ATP6V0D2: variants seen among roughly 807,000 people sequenced by gnomAD.
ATP6V0D2 encodes V-type proton ATPase subunit d 2.
In ATP6V0D2, 40 loss-of-function variants were observed where a neutral mutation model predicts 40.0. The observed-to-expected ratio is 1.00, with a 90% CI of 0.78 to 1.30. ATP6V0D2 has a LOEUF of 1.30. ATP6V0D2 is among the 50% of genes most tolerant of loss of function. The probability of loss-of-function intolerance (pLI) is 0.00; values close to 1 mark genes in which losing one functional copy is unlikely to be tolerated. For synonymous variants in ATP6V0D2, 179 were observed against 156.3 expected, an observed-to-expected ratio of 1.15 and a Z score of -1.08; for missense variants, 470 against 423.1, an observed-to-expected ratio of 1.11 and a Z score of -0.97.
In ATP6V0D2 at chr8:86,150,227, T is replaced by G. The variant is rs532949298; in HGVS notation, c.755T>G (p.Leu252Trp). 3 of 1,613,070 alleles carry G rather than the reference T, an allele frequency of 1.9e-6. No homozygotes were observed. The African/African-American group carries it at 4.0e-5, about 22-fold the overall frequency. Residue 252 changes from leucine to tryptophan, a missense_variant, in exon 6 of 8, where the codon TTG becomes TGG. Physicochemically the swap from Leu to Trp is moderately conservative, Grantham distance 61. Transcript: ENST00000285393. ...PTFGKLYPEG[L>W]RLLAQAEDFD... ...TTCGGCAAACTCTATCCTGAGGGGT[T>G]GCGGCTGTTGGCTCAAGCAGAAGAC...
rs1047865790 is a variant in ATP6V0D2, at chr8:86,113,824, T to G, written c.246T>G (p.Phe82Leu). 2.5e-6 allele frequency: 4 copies of G among 1,613,986 alleles called. No homozygotes were observed. Among genetic ancestry groups the G allele is most frequent in the Non-Finnish European group, 2.5e-6 (3 of 1,179,934 alleles). ...TEMRKRLCGE[F>L]EYFRNHSLEP... ...TGAGGAAAAGACTATGTGGAGAATT[T>G]GAGTATTTCCGGAATCATTCCCTGG... The change falls in exon 2 of 8, where the codon TTT becomes TTG. Residue 82 changes from phenylalanine (F) to leucine (L), a missense_variant. Phe to Leu is a conservative substitution (Grantham distance 22, BLOSUM62 0). Transcript: ENST00000285393.
At position 86,150,128 on chromosome 8, in the gene ATP6V0D2, G is replaced by A. The variant is rs776545949; in HGVS notation, c.656G>A (p.Arg219His). 27 of 1,612,482 alleles carry A rather than the reference G, an allele frequency of 1.7e-5. No homozygotes were observed. Among genetic ancestry groups the A allele is most frequent in the South Asian group, 3.3e-5 (3 of 90,822 alleles). The part of the protein sequence containing the change: ...CPILEFEADR[R>H]AFIITLNSFG... ...CAAATTCAGTTTGAGGCCGACAGAC[G>A]TGCTTTTATCATCACTCTTAACTCC... The change falls in exon 6 of 8, where the codon CGT (arginine) becomes CAT (histidine). Residue 219 changes from arginine (R) to histidine (H), a missense_variant. Physicochemically the swap from Arg to His is conservative, Grantham distance 29. Transcript: ENST00000285393.
intron 2 of ATP6V0D2, among the ~76,000 whole-genome samples, chr8:86,128,141 G>T (rs1329276477): frequency 6.6e-6 from 1 of 152,186 alleles, no homozygotes; most frequent in Non-Finnish European, 1.5e-5. Context: ...GGCTGAGGCG[G>T]GCAGAGACCA....
At chr8:86,128,038 C>A (rs181498036) in intron 2 of ATP6V0D2, among the ~76,000 whole-genome samples, 110 of 151,860 alleles carry the variant, frequency 7.2e-4, no homozygotes, top group African/African-American at 2.4e-3. Context: ...GCTATGATTG[C>A]GCCACTTGGG....
intron 2 of ATP6V0D2, among the ~76,000 whole-genome samples, chr8:86,138,081 C>T (rs1818921619): frequency 6.6e-6 from 1 of 152,162 alleles, no homozygotes; most frequent in African/African-American, 2.4e-5. Context: ...TCTTTCGGGG[C>T]CCAACATGCT....
At chr8:86,149,424 C>A (rs1251732703) in intron 5 of ATP6V0D2, among the ~76,000 whole-genome samples, 1 of 152,064 alleles carries the variant, frequency 6.6e-6, no homozygotes, top group Non-Finnish European at 1.5e-5. Flanking sequence ...GAAGACAGGC[C>A]GTGAGTATGT....
In ATP6V0D2 at chr8:86,133,654, A is replaced by G. The variant is rs545040620; in HGVS notation, c.303-5803A>G. Among the ~76,000 whole-genome samples the G allele has an allele frequency of 1.3e-3, 198 of 151,804 alleles. 6 individuals are homozygous for G. The South Asian group carries it at 0.039, about 30-fold the overall frequency. On this transcript the variant is annotated intron_variant, in intron 2 of 7. Coordinates refer to ENST00000285393, the MANE Select transcript of ATP6V0D2 (RefSeq NM_152565.1). ...AAAATCTTCAGATAATAATGGCTCT[A>G]CTCTAACCAAGTGCCATGGGAAAAA...
At chr8:86,138,937 C>G (rs1033696756) in intron 2 of ATP6V0D2, among the ~76,000 whole-genome samples, 1 of 152,182 alleles carries the variant, frequency 6.6e-6, no homozygotes, top group Non-Finnish European at 1.5e-5. Flanking sequence ...TATGCTTTTT[C>G]ATGGCCAGGT....
At chr8:86,139,256 A>G (rs1818940751) in intron 2 of ATP6V0D2, among the ~76,000 whole-genome samples, 1 of 151,756 alleles carries the variant, frequency 6.6e-6, no homozygotes, top group African/African-American at 2.4e-5. Context: ...AATATTGAAT[A>G]TGCTTTTTCA....
At chr8:86,145,289 GAAA>G (rs1819044777) in intron 5 of ATP6V0D2, among the ~76,000 whole-genome samples, 1 of 81,908 alleles carries the variant, frequency 1.2e-5, no homozygotes, top group East Asian at 3.8e-4. Context: ...AAGAAAGAAA[GAAA>G]GAAAGAAAGA....
chr8:86,104,421 C>A (rs1366822150), intron 1 of ATP6V0D2, among the ~76,000 whole-genome samples: 1 of 151,978 alleles, frequency 6.6e-6, no homozygotes, highest in Non-Finnish European at 1.5e-5. Flanking sequence ...AGGAAGCACT[C>A]TAAAAGGAGA....
intron 5 of ATP6V0D2, among the ~76,000 whole-genome samples, chr8:86,145,320 A>G (rs191402568): frequency 2.6e-3 from 124 of 47,384 alleles, no homozygotes; most frequent in African/African-American, 0.014. Context: ...AAAAGAAAGA[A>G]GGAAAGAAGG....
intron 1 of ATP6V0D2, among the ~76,000 whole-genome samples, chr8:86,104,511 A>C (rs1225017559): frequency 6.6e-6 from 1 of 152,196 alleles, no homozygotes; most frequent in Non-Finnish European, 1.5e-5. Context: ...TCTTTAGTAA[A>C]AAGTGGGATA....
intron 1 of ATP6V0D2, among the ~76,000 whole-genome samples, chr8:86,101,462 G>GAAAAAAAAAAAAAAAAAAAAAAAAATAA (rs59915079): frequency 1.3e-5 from 1 of 78,196 alleles, no homozygotes; most frequent in African/African-American, 4.5e-5. Context: ...CCTGTCTCAG[G>GAAAAAAAAAAAAAAAAAAAAAAAAATAA]AAAAAAAAAA....
chr8:86,141,997 A>G (rs1023325203), intron 4 of ATP6V0D2, among the ~76,000 whole-genome samples: 2 of 152,298 alleles, frequency 1.3e-5, no homozygotes, highest in Middle Eastern at 6.8e-3. Flanking sequence ...ATTTGTGTAC[A>G]CTGCATCATA....
chr8:86,122,769 A>T (rs1818686559), intron 2 of ATP6V0D2, among the ~76,000 whole-genome samples: 1 of 152,214 alleles, frequency 6.6e-6, no homozygotes, highest in African/African-American at 2.4e-5. Context: ...AATTTTGGCC[A>T]TTGTTTAAAA....
intron 2 of ATP6V0D2, among the ~76,000 whole-genome samples, chr8:86,133,926 C>T (rs899885571): frequency 6.6e-6 from 1 of 151,956 alleles, no homozygotes. Context: ...GCTGAAAATT[C>T]CCCCCATTTG....
chr8:86,149,076 C>CAAAAAAAAAAAAAAA (rs1563567503), intron 5 of ATP6V0D2, among the ~76,000 whole-genome samples: 2 of 114,924 alleles, frequency 1.7e-5, no homozygotes, highest in Non-Finnish European at 3.4e-5. Context: ...AAAAAAAAAA[C>CAAAAAAAAAAAAAAA]CAATGAACAA....
At chr8:86,121,593 G>GAGA (rs2130248964) in intron 2 of ATP6V0D2, among the ~76,000 whole-genome samples, 1 of 120,008 alleles carries the variant, frequency 8.3e-6, no homozygotes, top group South Asian at 2.7e-4. Flanking sequence ...GGAGGAGGAG[G>GAGA]AGGAGGAGGA....
Sources: gnomAD v4.1 joint callset for allele counts (sites outside exome capture counted in the v4.1 genomes callset) on GRCh38, gnomAD v4.1.1 for gene constraint, MANE v1.5 for transcripts, NCBI Gene and HGNC (gene_info 2026-07-23, HGNC 2026-07-21) for gene names.